Variants in DNER observed in about 807,000 individuals in gnomAD.
DNER encodes the protein delta and Notch-like epidermal growth factor-related receptor.
Under a neutral mutation model 78.2 loss-of-function variants are expected in DNER, and 33 were observed. The observed-to-expected ratio is 0.42, with a 90% CI of 0.32 to 0.56. DNER has a LOEUF of 0.56. Among genes scored for constraint, DNER ranks in the 20% least tolerant of loss-of-function variants. The probability of loss-of-function intolerance (pLI) is 0.11; values close to 1 mark genes in which losing one functional copy is unlikely to be tolerated. For missense variants in DNER, 918 were observed against 975.3 expected (o/e 0.94, Z 0.78); for synonymous variants, 417 against 384.8 (o/e 1.08, Z -0.98).
chr2:229,627,725 C>T (rs1012090204), intron 1 of DNER, among the ~76,000 whole-genome samples: 3 of 152,132 alleles, frequency 2.0e-5, no homozygotes, highest in Non-Finnish European at 4.4e-5. Context: ...AGCAAGTTTA[C>T]TGTAAGCAGC....
At chr2:229,587,450 A>G (rs886636383) in intron 3 of DNER, among the ~76,000 whole-genome samples, 2 of 152,036 alleles carry the variant, frequency 1.3e-5, no homozygotes, top group African/African-American at 4.8e-5. Context: ...GCAATGTAAC[A>G]AAGTCCCTCT....
intron 5 of DNER, among the ~76,000 whole-genome samples, chr2:229,537,601 A>G (rs1459913687): frequency 6.6e-6 from 1 of 152,162 alleles, no homozygotes; most frequent in Non-Finnish European, 1.5e-5. Context: ...GTCACCCATG[A>G]TACAATCCTT....
At chr2:229,598,724 T>A (rs376533482) in intron 1 of DNER, among the ~76,000 whole-genome samples, 1 of 150,942 alleles carries the variant, frequency 6.6e-6, no homozygotes, top group Admixed American at 6.6e-5. Context: ...CAAGAAGAGG[T>A]GGTCTGGGAG....
In DNER at chr2:229,705,025, CAT is replaced by C. The variant is rs559440713; in HGVS notation, c.276+9121_276+9122del. On this transcript the variant is annotated intron_variant, in intron 1 of 12. Transcript: ENST00000341772. Reference sequence around the variant, plus strand: ...AACCACAAGGTTTTGCTCCAAATGACATAGTGCAGAAATCTGACTTCAACGCG... The same window carrying C: ...AACCACAAGGTTTTGCTCCAAATGACAGTGCAGAAATCTGACTTCAACGCG... Among the ~76,000 whole-genome samples the C allele has an allele frequency of 4.5e-4, 69 of 152,292 alleles. No individual in the cohort carries two copies. In the South Asian group the frequency reaches 0.013, roughly 30 times the overall value.
intron 11 of DNER, among the ~76,000 whole-genome samples, chr2:229,387,977 G>A (rs1466442039): frequency 2.0e-5 from 3 of 151,908 alleles, no homozygotes; most frequent in Non-Finnish European, 2.9e-5. Flanking sequence ...TGCATGAGTA[G>A]CAGTGAACTC....
chr2:229,677,643 A>G (rs531389924), intron 1 of DNER, among the ~76,000 whole-genome samples: 2 of 152,304 alleles, frequency 1.3e-5, no homozygotes, highest in South Asian at 4.2e-4. Context: ...TTTTTAATCT[A>G]CATTGGTTGT....
chr2:229,408,864 C>T (rs2106344778), intron 9 of DNER, among the ~76,000 whole-genome samples: 1 of 152,294 alleles, frequency 6.6e-6, no homozygotes, highest in Middle Eastern at 3.4e-3. Flanking sequence ...GCCAAGCCAT[C>T]AACAATATTC....
intron 9 of DNER, among the ~76,000 whole-genome samples, chr2:229,414,013 GA>G (rs1308599132): frequency 5.3e-5 from 8 of 151,806 alleles, no homozygotes; most frequent in African/African-American, 1.9e-4. Flanking sequence ...CCAAAAGGGG[GA>G]AAATGTCCAT....
chr2:229,374,496 G>A (rs1410379615), intron 11 of DNER, among the ~76,000 whole-genome samples: 1 of 152,186 alleles, frequency 6.6e-6, no homozygotes, highest in East Asian at 1.9e-4. Context: ...TGGTTAGTAA[G>A]AGCTGATATT....
At chr2:229,476,309 G>A (rs763455866) in intron 7 of DNER, among the ~76,000 whole-genome samples, 1 of 152,148 alleles carries the variant, frequency 6.6e-6, no homozygotes, top group Non-Finnish European at 1.5e-5. Flanking sequence ...CCGTTATCTG[G>A]GAAGCCAGTG....
chr2:229,484,029 T>G (rs1252077959), intron 6 of DNER, among the ~76,000 whole-genome samples: 1 of 151,728 alleles, frequency 6.6e-6, no homozygotes, highest in Non-Finnish European at 1.5e-5. Flanking sequence ...ATAAACTCCC[T>G]GAGAATCAGG....
chr2:229,380,791 G>A (rs1692717483), intron 11 of DNER, among the ~76,000 whole-genome samples: 1 of 152,026 alleles, frequency 6.6e-6, no homozygotes, highest in Admixed American at 6.6e-5. Flanking sequence ...CAGGAGTGGT[G>A]CCACACACCT....
intron 4 of DNER, among the ~76,000 whole-genome samples, chr2:229,583,305 G>C (rs1050156366): frequency 1.3e-5 from 2 of 152,196 alleles, no homozygotes; most frequent in Non-Finnish European, 2.9e-5. Context: ...AAACCTCATA[G>C]CTTAGCCTCG....
At chr2:229,623,571 C>T (rs1289066126) in intron 1 of DNER, among the ~76,000 whole-genome samples, 5 of 152,212 alleles carry the variant, frequency 3.3e-5, no homozygotes, top group Non-Finnish European at 7.3e-5. Context: ...AAGGCAGGCA[C>T]AGAATCCTGG....
chr2:229,524,260 T>C (rs1030148), intron 5 of DNER, among the ~76,000 whole-genome samples: 152,339 of 152,342 alleles, frequency 1, 76,168 homozygotes, highest in Non-Finnish European at 1. Flanking sequence ...GGGTCTTCTC[T>C]CTTTTTGACC....
At position 229,388,372 on chromosome 2, in the gene DNER, T is replaced by C; in HGVS notation, c.1748A>G (p.Asn583Ser). ...GTGGCAGGGGTTACTGTCACATTCA[T>C]TTATGTCAATGTCGCACTCTTCACC... ...FTGEECDIDINECDSNPCHHG... is the reference protein window; with the variant it reads ...FTGEECDIDISECDSNPCHHG... The change falls in exon 11 of 13, where the codon AAT (asparagine) becomes AGT (serine). Residue 583 changes from asparagine to serine, a missense_variant. Asn to Ser is a conservative substitution (Grantham distance 46, BLOSUM62 1). Transcript: ENST00000341772. The C allele has an allele frequency of 1.2e-6, 2 of 1,611,618 alleles. No individual in the cohort carries two copies. Among genetic ancestry groups the C allele is most frequent in the Non-Finnish European group, 1.7e-6 (2 of 1,178,858 alleles).
chr2:229,666,762 A>G (rs193058693), intron 1 of DNER, among the ~76,000 whole-genome samples: 4 of 152,314 alleles, frequency 2.6e-5, no homozygotes, highest in African/African-American at 9.6e-5. Context: ...GCCTCATTCA[A>G]TTAATACCAT....
intron 1 of DNER, among the ~76,000 whole-genome samples, chr2:229,625,320 T>C (rs894332913): frequency 6.6e-6 from 1 of 152,136 alleles, no homozygotes; most frequent in Non-Finnish European, 1.5e-5. Flanking sequence ...TCTTTCCATC[T>C]AATCCCACAC....
intron 5 of DNER, among the ~76,000 whole-genome samples, chr2:229,534,373 G>C (rs138908283): frequency 1.4e-4 from 22 of 152,260 alleles, no homozygotes; most frequent in African/African-American, 4.6e-4. Context: ...CAGACCAATA[G>C]ATTGTAATGT....
Sources: allele counts gnomAD v4.1 joint callset (sites outside exome capture counted in the v4.1 genomes callset), GRCh38; gene constraint gnomAD v4.1.1; transcripts MANE v1.5; gene names NCBI Gene and HGNC (gene_info 2026-07-23, HGNC 2026-07-21).